PLCH1: variants seen among roughly 807,000 people sequenced by gnomAD.
The protein encoded by PLCH1 is phospholipase C eta 1.
PLCH1 carries 60 observed loss-of-function variants against 126.7 expected under a neutral mutation model. The ratio of observed to expected loss-of-function variants is 0.47; its 90% CI spans 0.38 to 0.59. PLCH1 has a LOEUF of 0.59. Among genes scored for constraint, PLCH1 ranks in the 20% least tolerant of loss-of-function variants. PLCH1 has a pLI of 0.00. For missense variants in PLCH1, 1,723 were observed against 2,040.0 expected, an observed-to-expected ratio of 0.84 and a Z score of 2.99; for synonymous variants, 719 against 734.9, an observed-to-expected ratio of 0.98 and a Z score of 0.35.
At chr3:155,537,219 A>AAAAAAAC (rs1723536235) in intron 10 of PLCH1, among the ~76,000 whole-genome samples, 1 of 9,992 alleles carries the variant, frequency 1.0e-4, no homozygotes, top group African/African-American at 1.5e-4. Context: ...AAAAAAAAAA[A>AAAAAAAC]AAAAAAAAAA....
At chr3:155,668,890 TAAAAGA>T (rs996052490) in intron 2 of PLCH1, among the ~76,000 whole-genome samples, 5 of 152,196 alleles carry the variant, frequency 3.3e-5, no homozygotes, top group East Asian at 1.9e-4. Flanking sequence ...AGACTCAGTC[TAAAAGA>T]AAAAGAAAAA....
chr3:155,566,298 TAC>T (rs1728485509), intron 7 of PLCH1, among the ~76,000 whole-genome samples: 2 of 23,952 alleles, frequency 8.4e-5, no homozygotes, highest in South Asian at 8.8e-4. Context: ...TACGTATATA[TAC>T]ACATATATAT....
chr3:155,475,097 A>C (rs1345326589), downstream of PLCH1, among the ~76,000 whole-genome samples: 1 of 151,950 alleles, frequency 6.6e-6, no homozygotes, highest in African/African-American at 2.4e-5. Context: ...AAGACAAAAA[A>C]ATGGAATAAT....
At chr3:155,683,852 C>A (rs1744719644) in intron 2 of PLCH1, among the ~76,000 whole-genome samples, 2 of 152,332 alleles carry the variant, frequency 1.3e-5, no homozygotes, top group African/African-American at 2.4e-5. Context: ...GATGCACTTT[C>A]CCCTGAACAG....
chr3:155,577,478 C>T (rs796777094), intron 6 of PLCH1, among the ~76,000 whole-genome samples: 136 of 152,082 alleles, frequency 8.9e-4, no homozygotes, highest in African/African-American at 3.2e-3. Flanking sequence ...TCCTACTCTG[C>T]CCTTTAATTT....
chr3:155,693,738 T>G (rs1239010047), intron 2 of PLCH1, among the ~76,000 whole-genome samples: 2 of 152,154 alleles, frequency 1.3e-5, no homozygotes, highest in African/African-American at 2.4e-5. Flanking sequence ...GAGACCAGCC[T>G]GGTCAACATG....
chr3:155,516,789 G>A (rs1400078687), intron 11 of PLCH1, among the ~76,000 whole-genome samples: 1 of 151,896 alleles, frequency 6.6e-6, no homozygotes, highest in African/African-American at 2.4e-5. Context: ...TTTCTGCTGT[G>A]CCAGGTGAGA....
At chr3:155,599,718 A>G (rs1733475408) in intron 2 of PLCH1, among the ~76,000 whole-genome samples, 1 of 152,140 alleles carries the variant, frequency 6.6e-6, no homozygotes, top group Admixed American at 6.5e-5. Context: ...ACACAGGAAA[A>G]CAAATTGTTT....
At chr3:155,515,024 C>G (rs1576880572) in intron 11 of PLCH1, 140 bp from the exon 12 acceptor site, 1 of 527,686 alleles carries the variant, frequency 1.9e-6, no homozygotes, top group East Asian at 3.1e-5. Flanking sequence ...GTTCATTGTA[C>G]CATCTCAGTC....
At chr3:155,710,722 A>AGTAG (rs1182840057) in intron 1 of PLCH1, among the ~76,000 whole-genome samples, 2 of 151,860 alleles carry the variant, frequency 1.3e-5, no homozygotes, top group African/African-American at 4.8e-5. Flanking sequence ...AATCGCAGCT[A>AGTAG]CTCAGGAGGC....
At chr3:155,493,717 A>T (rs1047238863) in intron 17 of PLCH1, among the ~76,000 whole-genome samples, 5 of 152,172 alleles carry the variant, frequency 3.3e-5, no homozygotes, top group African/African-American at 1.2e-4. Flanking sequence ...ACTGTTTTGT[A>T]ATTGGACTAC....
intron 2 of PLCH1, among the ~76,000 whole-genome samples, chr3:155,626,455 A>C (rs995939933): frequency 3.9e-5 from 6 of 152,144 alleles, no homozygotes. Flanking sequence ...ATGTGGGAAA[A>C]GACAGAAATC....
At chr3:155,456,863 G>C (rs1712457051) in intron 21 of PLCH1, 1 of 152,784 alleles carries the variant, frequency 6.5e-6, no homozygotes, top group African/African-American at 2.4e-5. Flanking sequence ...GAGCATCATC[G>C]CTGCCTCCAG....
chr3:155,480,687 C>A lies in PLCH1; in HGVS notation c.*281G>T. ...TGGTGAAACACACACACATTATAAC[C>A]CGAGCTGCTGAGGAGTTTCACATCT... On this transcript the variant is annotated 3_prime_UTR_variant, in exon 23 of 23. Transcript: ENST00000460012. 1 of 327,340 alleles carries A rather than the reference C, an allele frequency of 3.1e-6. No homozygotes were observed. Among genetic ancestry groups the A allele is most frequent in the Non-Finnish European group, 5.6e-6 (1 of 178,516 alleles). 20.3% of individuals were successfully genotyped at this position (327,340 alleles called of 1,614,324 possible).
chr3:155,451,901 C>G (rs1430252859), intron 21 of PLCH1, among the ~76,000 whole-genome samples: 1 of 152,140 alleles, frequency 6.6e-6, no homozygotes, highest in Non-Finnish European at 1.5e-5. Flanking sequence ...GGCCTTCCTA[C>G]TCAAACTGGA....
intron 13 of PLCH1, among the ~76,000 whole-genome samples, chr3:155,503,056 C>T (rs949483099): frequency 1.3e-5 from 2 of 152,166 alleles, no homozygotes; most frequent in Admixed American, 6.6e-5. Flanking sequence ...CCAGAAGACA[C>T]CAGATTAGTG....
chr3:155,727,947 T>C (rs946088765), intron 1 of PLCH1, among the ~76,000 whole-genome samples: 1 of 152,024 alleles, frequency 6.6e-6, no homozygotes, highest in African/African-American at 2.4e-5. Context: ...CCTTTTGAAA[T>C]CCCAGCTTTA....
In PLCH1 at chr3:155,480,857, A is replaced by T. The variant is rs1233128686; in HGVS notation, c.*111T>A. 2 of 955,052 alleles carry T rather than the reference A, an allele frequency of 2.1e-6. No individual in the cohort carries two copies. The highest frequency in any genetic ancestry group is 1.6e-5 in the South Asian group (1 of 60,908). 59.2% of individuals were successfully genotyped at this position (955,052 alleles called of 1,614,324 possible). ...TGAAGTCAAAGGGAGACCCAAATACAAGTTTAAAAATACATTTGAAAATCA... is the reference window on the plus strand; with the variant it reads ...TGAAGTCAAAGGGAGACCCAAATACTAGTTTAAAAATACATTTGAAAATCA... On this transcript the variant is annotated 3_prime_UTR_variant, in exon 23 of 23. Transcript: ENST00000460012.
chr3:155,566,291 G>T (rs552481832), intron 7 of PLCH1, among the ~76,000 whole-genome samples: 2 of 23,164 alleles, frequency 8.6e-5, no homozygotes, highest in African/African-American at 1.9e-4. Context: ...ATATATATAC[G>T]TATATATACA....
Sources: allele counts gnomAD v4.1 joint callset (sites outside exome capture counted in the v4.1 genomes callset), GRCh38; gene constraint gnomAD v4.1.1; transcripts MANE v1.5; gene names NCBI Gene and HGNC (gene_info 2026-07-23, HGNC 2026-07-21).